C5AR1: variants seen among roughly 807,000 people sequenced by gnomAD.
C5AR1 encodes complement C5a receptor 1.
Under a neutral mutation model 2.4 loss-of-function variants are expected in C5AR1, and 4 were observed. The observed-to-expected ratio is 1.65, with a 90% CI of 0.81 to 3.77. C5AR1 has a LOEUF of 3.77. Among genes scored for constraint, C5AR1 ranks in the 30% most tolerant of loss-of-function variants. The pLI is 0.01. For synonymous variants in C5AR1, 209 were observed against 210.4 expected, an observed-to-expected ratio of 0.99 and a Z score of 0.06; for missense variants, 418 against 462.5, an observed-to-expected ratio of 0.90 and a Z score of 0.88.
chr19:47,310,143 G>A (rs930150896), intron 1 of C5AR1, among the ~76,000 whole-genome samples: 3 of 152,130 alleles, frequency 2.0e-5, no homozygotes, highest in African/African-American at 4.8e-5. Context: ...CAGCAACCTC[G>A]TGGGGCTGGG....
In C5AR1 at chr19:47,313,612, C is replaced by T. The variant is rs188499592; in HGVS notation, c.3+3714C>T. Among the ~76,000 whole-genome samples, 236 of 152,046 alleles carry T rather than the reference C, an allele frequency of 1.6e-3. 1 individual carries two copies. The highest frequency in any genetic ancestry group is 5.5e-3 in the African/African-American group (227 of 41,514). On this transcript the variant is annotated intron_variant, in intron 1 of 1. Coordinates refer to ENST00000355085, the MANE Select transcript of C5AR1 (RefSeq NM_001736.4). ...AAATAAAATTAGCCAGGCATGGTGG[C>T]GGGCACCTGTAGTCCCAGCTACTCG...
At chr19:47,311,406 G>T (rs1278443887) in intron 1 of C5AR1, among the ~76,000 whole-genome samples, 1 of 151,820 alleles carries the variant, frequency 6.6e-6, no homozygotes, top group Non-Finnish European at 1.5e-5. Context: ...GCACTTGAGA[G>T]GCTGAGGCAC....
chr19:47,320,356 C>A lies in C5AR1; in HGVS notation c.579C>A (p.Ser193Arg), dbSNP rs201319657. 1 of 1,609,754 alleles carries A rather than the reference C, an allele frequency of 6.2e-7. No individual in the cohort carries two copies. The highest frequency in any genetic ancestry group is 8.5e-7 in the Non-Finnish European group (1 of 1,179,962). ...AGGTGTTGTGTGGCGTGGACTACAGCCACGACAAACGGCGGGAGCGAGCCG... is the reference window on the plus strand; with the variant it reads ...AGGTGTTGTGTGGCGTGGACTACAGACACGACAAACGGCGGGAGCGAGCCG... ...PPKVLCGVDY[S>R]HDKRRERAVA... The change falls in exon 2 of 2, where the codon AGC (serine) becomes AGA (arginine). Residue 193 changes from serine (S) to arginine (R), a missense_variant. Coordinates refer to ENST00000355085, the MANE Select transcript of C5AR1 (RefSeq NM_001736.4). This position sits in a 1 kb window ranked among gnomAD's most constrained non-coding sequence, Gnocchi z 4.9.
Position 47,320,935 on chromosome 19 carries a change from C to A in C5AR1, c.*105C>A. On this transcript the variant is annotated 3_prime_UTR_variant, in exon 2 of 2. Coordinates refer to ENST00000355085, the MANE Select transcript of C5AR1 (RefSeq NM_001736.4). The surrounding 1 kb of genome is among the most constrained non-coding windows in gnomAD (Gnocchi z 4.9). ...CGTGGGATGGTGTTACCTTAGCTAA[C>A]TAACTCTCCTCCATGTTGCCTGTCT... 1 of 939,048 alleles carries A rather than the reference C, an allele frequency of 1.1e-6. No individual in the cohort carries two copies. Among genetic ancestry groups the A allele is most frequent in the Non-Finnish European group, 1.6e-6 (1 of 637,038 alleles). 58.2% of individuals were successfully genotyped at this position (939,048 alleles called of 1,614,324 possible).
rs2059303991 is a variant in C5AR1 at position 47,320,117 on chromosome 19, T to G, written c.340T>G (p.Ser114Ala). The G allele has an allele frequency of 2.5e-6, 4 of 1,614,032 alleles. No homozygotes were observed. Among genetic ancestry groups the G allele is most frequent in the Non-Finnish European group, 3.4e-6 (4 of 1,180,038 alleles). Residue 114 changes from serine to alanine, a missense_variant, in exon 2 of 2, where the codon TCC (serine) becomes GCC (alanine). By Grantham distance (99) the Ser-to-Ala change is moderately conservative. Coordinates refer to ENST00000355085, the MANE Select transcript of C5AR1 (RefSeq NM_001736.4). This position sits in a 1 kb window ranked among gnomAD's most constrained non-coding sequence, Gnocchi z 4.9. ...FGGAACSILP[S>A]LILLNMYASI... ...CGGGGCCGCCTGCAGCATCCTGCCC[T>G]CCCTCATCCTGCTCAACATGTACGC...
intron 1 of C5AR1, among the ~76,000 whole-genome samples, chr19:47,310,327 A>C (rs1017729519): frequency 2.0e-5 from 3 of 152,046 alleles, no homozygotes; most frequent in Admixed American, 2.0e-4. Flanking sequence ...CCTGGCCAAC[A>C]TAGTGAGACC....
At chr19:47,318,994 T>G (rs1202939070) in intron 1 of C5AR1, among the ~76,000 whole-genome samples, 1 of 150,566 alleles carries the variant, frequency 6.6e-6, no homozygotes, top group African/African-American at 2.4e-5. Context: ...CAAGCAAGTC[T>G]TCTGCCTCAG....
At position 47,321,074 on chromosome 19, in the gene C5AR1, C is replaced by G. The variant is rs2059309474; in HGVS notation, c.*244C>G. The G allele has an allele frequency of 3.2e-6, 1 of 315,396 alleles. No individual in the cohort carries two copies. The highest frequency in any genetic ancestry group is 5.6e-6 in the Non-Finnish European group (1 of 177,776). 19.5% of individuals were successfully genotyped at this position (315,396 alleles called of 1,614,324 possible). On this transcript the variant is annotated 3_prime_UTR_variant, in exon 2 of 2. Coordinates refer to ENST00000355085, the MANE Select transcript of C5AR1 (RefSeq NM_001736.4). ...CCACCCCCCACCCCCCCCACACACA[C>G]CATCTTTCCATCCCAGGCTTTTGAA...
chr19:47,310,910 TGA>T (rs900853618), intron 1 of C5AR1, among the ~76,000 whole-genome samples: 4 of 152,280 alleles, frequency 2.6e-5, no homozygotes, highest in African/African-American at 9.6e-5. Context: ...ATGGATTCTG[TGA>T]GTGTCAGAAG....
chr19:47,310,173 G>A (rs1425921692), intron 1 of C5AR1, among the ~76,000 whole-genome samples: 1 of 152,142 alleles, frequency 6.6e-6, no homozygotes, highest in Non-Finnish European at 1.5e-5. Flanking sequence ...GATTCCCCAG[G>A]GGAGGGGACC....
chr19:47,320,177 C>A lies in C5AR1; in HGVS notation c.400C>A (p.Arg134Ser). ...GCTCCTGGCCACCATCAGCGCCGAC[C>A]GCTTTCTGCTGGTGTTTAAACCCAT... The part of the protein sequence containing the change: ...ILLLATISAD[R>S]FLLVFKPIWC... Residue 134 changes from arginine (R) to serine (S), a missense_variant, in exon 2 of 2, where the codon CGC becomes AGC. Coordinates refer to ENST00000355085, the MANE Select transcript of C5AR1 (RefSeq NM_001736.4). The surrounding 1 kb of genome is among the most constrained non-coding windows in gnomAD (Gnocchi z 4.9). 6.2e-7 allele frequency: 1 copy of A among 1,614,210 alleles called. No homozygotes were observed. The highest frequency in any genetic ancestry group is 8.5e-7 in the Non-Finnish European group (1 of 1,180,044).
chr19:47,310,634 G>A (rs1029849058), intron 1 of C5AR1, among the ~76,000 whole-genome samples: 12 of 152,260 alleles, frequency 7.9e-5, no homozygotes, highest in Non-Finnish European at 1.8e-4. Context: ...GGGACCACAG[G>A]CATGCACCAC....
intron 1 of C5AR1, among the ~76,000 whole-genome samples, chr19:47,310,250 T>C (rs1204434868): frequency 6.6e-6 from 1 of 152,102 alleles, no homozygotes; most frequent in African/African-American, 2.4e-5. Flanking sequence ...GTCACACCTG[T>C]GATCCCAGCA....
chr19:47,311,407 G>T (rs1201374706), intron 1 of C5AR1, among the ~76,000 whole-genome samples: 1 of 151,748 alleles, frequency 6.6e-6, no homozygotes, highest in Non-Finnish European at 1.5e-5. Flanking sequence ...CACTTGAGAG[G>T]CTGAGGCACG....
intron 1 of C5AR1, among the ~76,000 whole-genome samples, chr19:47,315,537 G>C (rs2059284355): frequency 6.6e-6 from 1 of 152,126 alleles, no homozygotes; most frequent in Admixed American, 6.6e-5. Context: ...GGATTGCTGG[G>C]AGCTTGCGAA....
At chr19:47,319,566 C>G (rs2059301286) in intron 1 of C5AR1, among the ~76,000 whole-genome samples, 1 of 152,122 alleles carries the variant, frequency 6.6e-6, no homozygotes, top group African/African-American at 2.4e-5. Flanking sequence ...GCCTCGGCCT[C>G]CCAAAGTGCT....
Position 47,317,121 on chromosome 19 carries a change from G to T in C5AR1, c.4-2660G>T, listed in dbSNP as rs187826400. On this transcript the variant is annotated intron_variant, in intron 1 of 1. Coordinates refer to ENST00000355085, the MANE Select transcript of C5AR1 (RefSeq NM_001736.4). ...GGCAGGAGGATTGCTTGAGCCAGAG[G>T]GGCTGGGGTGACAGTGATCCATGAT... Among the ~76,000 whole-genome samples the T allele has an allele frequency of 2.2e-3, 338 of 150,720 alleles. 1 individual carries two copies. The highest frequency in any genetic ancestry group is 7.7e-3 in the African/African-American group (317 of 41,038).
chr19:47,318,499 G>A (rs1485519828), intron 1 of C5AR1, among the ~76,000 whole-genome samples: 1 of 151,890 alleles, frequency 6.6e-6, no homozygotes, highest in African/African-American at 2.4e-5. Flanking sequence ...TCACCATGTT[G>A]GCCAGGCTGG....
At chr19:47,316,917 T>G (rs1487875709) in intron 1 of C5AR1, among the ~76,000 whole-genome samples, 1 of 150,982 alleles carries the variant, frequency 6.6e-6, no homozygotes, top group African/African-American at 2.4e-5. Context: ...GTGGCTTACA[T>G]CTGTAATCTC....
Sources: gnomAD v4.1 joint callset for allele counts (sites outside exome capture counted in the v4.1 genomes callset) on GRCh38, gnomAD v4.1.1 for gene constraint, Gnocchi (gnomAD v3.1) non-coding constraint, MANE v1.5 for transcripts, NCBI Gene and HGNC (gene_info 2026-07-23, HGNC 2026-07-21) for gene names.